CLINT1: variants seen among roughly 807,000 people sequenced by gnomAD.
The protein encoded by CLINT1 is clathrin interacting protein localized in the trans-Golgi region.
CLINT1 carries 15 observed loss-of-function variants against 70.4 expected under a neutral mutation model. That is an observed-to-expected ratio of 0.21 (90% CI 0.14 to 0.33). The LOEUF (loss-of-function observed/expected upper bound fraction) is 0.33, where lower values mean the gene tolerates loss of function less well. Among genes scored for constraint, CLINT1 ranks in the 10% least tolerant of loss-of-function variants. The pLI is 1.00. For missense variants in CLINT1, 615 were observed against 778.1 expected (o/e 0.79, Z 2.49); for synonymous variants, 227 against 254.7 (o/e 0.89, Z 1.04).
chr5:157,809,918 A>G (rs1227014464), intron 5 of CLINT1, 113 bp from the exon 6 acceptor site: 1 of 1,048,434 alleles, frequency 9.5e-7, no homozygotes, highest in Admixed American at 2.9e-5. Context: ...TCAAAGGAAA[A>G]CAGAAAGCTC....
At chr5:157,848,303 G>C (rs1038752528) in intron 1 of CLINT1, among the ~76,000 whole-genome samples, 3 of 150,966 alleles carry the variant, frequency 2.0e-5, no homozygotes, top group Admixed American at 2.0e-4. Flanking sequence ...CACCACATTG[G>C]CCAGACTGGT....
chr5:157,833,901 C>T (rs1480936518), intron 1 of CLINT1, among the ~76,000 whole-genome samples: 1 of 151,984 alleles, frequency 6.6e-6, no homozygotes, highest in Non-Finnish European at 1.5e-5. Context: ...GTGATCGTGC[C>T]ACTGCACTTC....
intron 1 of CLINT1, among the ~76,000 whole-genome samples, chr5:157,834,270 G>C (rs1191938676): frequency 2.6e-5 from 4 of 152,158 alleles, no homozygotes; most frequent in African/African-American, 9.7e-5. Flanking sequence ...GGAGGCTGAG[G>C]TAGGAGAATT....
chr5:157,797,431 A>G (rs1481779092), intron 8 of CLINT1, among the ~76,000 whole-genome samples: 2 of 152,144 alleles, frequency 1.3e-5, no homozygotes, highest in African/African-American at 4.8e-5. Flanking sequence ...CGTCACCCAG[A>G]CTAGAGTGCA....
In CLINT1 at chr5:157,836,801, G is replaced by C. The variant is rs527427042; in HGVS notation, c.42-19254C>G. ...AAAGTAGGTGCCACATCCTCAGAAA[G>C]GCCTCCTCTGGCCACTCTATCTAAA... On this transcript the variant is annotated intron_variant, in intron 1 of 11. Coordinates refer to ENST00000411809, the MANE Select transcript of CLINT1 (RefSeq NM_014666.4). Among the ~76,000 whole-genome samples, 210 of 152,246 alleles carry C rather than the reference G, an allele frequency of 1.4e-3. 4 individuals carry two copies. The highest frequency in any genetic ancestry group is 1.9e-3 in the Admixed American group (29 of 15,282).
Position 157,803,654 on chromosome 5 carries a change from T to C in CLINT1, c.1008A>G (p.Ser336=), listed in dbSNP as rs759510048. The stretch of plus-strand genomic sequence containing the variant: ...AAGGCCAATGTAGAAGCTTACCTGT[T>C]GACTGGCTGGTGCCATCAAACAGAT... ...LVDLFDGTSQ[S]TGGSADLFGG... The change falls in exon 8 of 12, where the codon TCA becomes TCG. Residue 336 remains serine, a synonymous_variant. Transcript: ENST00000411809. 1.4e-5 allele frequency: 21 copies of C among 1,515,452 alleles called. No homozygotes were observed. The highest frequency in any genetic ancestry group is 1.9e-5 in the Non-Finnish European group (21 of 1,118,512). 93.9% of individuals were successfully genotyped at this position (1,515,452 alleles called of 1,614,324 possible).
chr5:157,829,689 A>ATTTTTTTTTTT (rs3075709), intron 1 of CLINT1, among the ~76,000 whole-genome samples: 15 of 109,148 alleles, frequency 1.4e-4, no homozygotes, highest in African/African-American at 2.4e-4. Flanking sequence ...ACACCCAGCT[A>ATTTTTTTTTTT]TTTTTTTTTT....
chr5:157,835,627 T>C (rs1763394613), intron 1 of CLINT1, among the ~76,000 whole-genome samples: 1 of 152,064 alleles, frequency 6.6e-6, no homozygotes, highest in South Asian at 2.1e-4. Flanking sequence ...AACTCCATGA[T>C]ATCTTGGGAA....
chr5:157,824,099 CAG>C (rs1469609993), intron 1 of CLINT1, among the ~76,000 whole-genome samples: 2 of 152,202 alleles, frequency 1.3e-5, no homozygotes, highest in African/African-American at 4.8e-5. Flanking sequence ...ACAGTTTCCT[CAG>C]GTAACAAAAG....
chr5:157,811,714 G>A (rs911091428), intron 5 of CLINT1, among the ~76,000 whole-genome samples: 2 of 152,070 alleles, frequency 1.3e-5, no homozygotes, highest in African/African-American at 2.4e-5. Flanking sequence ...GTTTGAAAAC[G>A]TATTCAATTT....
chr5:157,850,572 G>C (rs1209306420), intron 1 of CLINT1, among the ~76,000 whole-genome samples: 2 of 129,556 alleles, frequency 1.5e-5, no homozygotes, highest in African/African-American at 6.1e-5. Flanking sequence ...GATCGTGCAT[G>C]CCACTGCGCT....
intron 1 of CLINT1, among the ~76,000 whole-genome samples, chr5:157,843,588 T>G (rs1753266117): frequency 6.6e-6 from 1 of 152,182 alleles, no homozygotes. Context: ...CCTCCTATAC[T>G]TACCCTTCTC....
chr5:157,832,629 T>C (rs1763283670), intron 1 of CLINT1, among the ~76,000 whole-genome samples: 1 of 152,240 alleles, frequency 6.6e-6, no homozygotes, highest in Admixed American at 6.5e-5. Flanking sequence ...TTAATCTTTC[T>C]AATATTTAGT....
chr5:157,801,493 C>T (rs1407328076), intron 8 of CLINT1, among the ~76,000 whole-genome samples: 3 of 149,994 alleles, frequency 2.0e-5, no homozygotes, highest in East Asian at 2.0e-4. Context: ...GCAACAAGGG[C>T]GAAACTCTGT....
chr5:157,806,269 G>C (rs1355578328), intron 6 of CLINT1, among the ~76,000 whole-genome samples, 157 bp from the exon 7 acceptor site: 2 of 152,136 alleles, frequency 1.3e-5, no homozygotes, highest in African/African-American at 4.8e-5. Flanking sequence ...TAAGCTGTCT[G>C]AATAATGATA....
At chr5:157,855,342 A>G (rs1753724659) in intron 1 of CLINT1, among the ~76,000 whole-genome samples, 2 of 152,172 alleles carry the variant, frequency 1.3e-5, no homozygotes, top group African/African-American at 4.8e-5. Flanking sequence ...CAATTTTACC[A>G]TGTATAGGAT....
intron 1 of CLINT1, among the ~76,000 whole-genome samples, chr5:157,830,757 C>CCTCTCT (rs373819711): frequency 4.1e-3 from 362 of 87,372 alleles, no homozygotes; most frequent in Non-Finnish European, 5.5e-3. Context: ...CCTCTCTCTC[C>CCTCTCT]CTCTCTCTCT....
chr5:157,790,425 T>C (rs1581471378), intron 10 of CLINT1: 1 of 303,596 alleles, frequency 3.3e-6, no homozygotes, highest in East Asian at 9.0e-5. Context: ...AGGTTCCTAG[T>C]GGTTATTGAG....
chr5:157,812,260 G>T (rs982521616), intron 5 of CLINT1, among the ~76,000 whole-genome samples: 1 of 152,132 alleles, frequency 6.6e-6, no homozygotes, highest in Non-Finnish European at 1.5e-5. Flanking sequence ...ATATGGGTGG[G>T]GGGAGCTGGA....
Sources: allele counts gnomAD v4.1 joint callset (sites outside exome capture counted in the v4.1 genomes callset), GRCh38; gene constraint gnomAD v4.1.1; transcripts MANE v1.5; gene names NCBI Gene and HGNC (gene_info 2026-07-23, HGNC 2026-07-21).